The following LINGO1 variants were observed in gnomAD, a reference collection of about 807,000 sequenced individuals.
The protein encoded by LINGO1 is leucine rich repeat and Ig domain containing 1, also known as leucine-rich repeat and immunoglobulin-like domain-containing nogo receptor-interacting protein 1.
A neutral mutation model predicts 37.3 loss-of-function variants in LINGO1; 11 were observed. The ratio of observed to expected loss-of-function variants is 0.29; its 90% CI spans 0.19 to 0.49. The LOEUF is 0.49. LINGO1 is among the 20% of genes least tolerant of loss of function. LINGO1 has a pLI of 0.99. For synonymous variants in LINGO1, 387 were observed against 403.0 expected (o/e 0.96, Z 0.48); for missense variants, 585 against 878.2 (o/e 0.67, Z 4.22).
At position 77,716,280 on chromosome 15, in the gene LINGO1, C is replaced by CTTCT. The variant is rs1555533898; in HGVS notation, c.-195+18711_-195+18712insAGAA. On this transcript the variant is annotated intron_variant, in intron 2 of 3. Coordinates refer to the LINGO1 transcript ENST00000561686. ...GGCTATTTTCTTTCTTCTTCTTCTT[C>CTTCT]TTTTTTTTTTTTTTTTTTGAGACAG... 4.5e-3 allele frequency among the ~76,000 whole-genome samples: 534 copies of CTTCT among 119,242 alleles called. 9 individuals are homozygous for CTTCT. Among genetic ancestry groups the CTTCT allele is most frequent in the Non-Finnish European group, 6.2e-3 (365 of 58,454 alleles). The allele number at this position is 119,242 out of a possible 152,430, so 78.2% of individuals were successfully genotyped here.
chr15:77,767,146 A>T (rs4886524), intron 1 of LINGO1, among the ~76,000 whole-genome samples: 1 of 152,082 alleles, frequency 6.6e-6, no homozygotes, highest in Non-Finnish European at 1.5e-5. Context: ...CAAGACAGAG[A>T]GCACATAGTG....
intron 1 of LINGO1, among the ~76,000 whole-genome samples, chr15:77,737,337 G>C (rs1043860528): frequency 6.6e-6 from 1 of 152,150 alleles, no homozygotes; most frequent in Non-Finnish European, 1.5e-5. Flanking sequence ...GGCTCAGAGA[G>C]GTTATGCTGC....
chr15:77,791,786 G>A (rs1177028435), upstream of LINGO1, among the ~76,000 whole-genome samples: 3 of 152,094 alleles, frequency 2.0e-5, no homozygotes, highest in East Asian at 1.9e-4. Flanking sequence ...GACAGCAGCC[G>A]TGACAAGTGT....
intron 2 of LINGO1, among the ~76,000 whole-genome samples, chr15:77,794,590 ATT>A (rs370121489): frequency 0.029 from 2,679 of 93,470 alleles, 199 homozygotes; most frequent in African/African-American, 0.098. Flanking sequence ...ATATATATAT[ATT>A]TTTTTTTTTT....
At chr15:77,656,517 T>C (rs1275606871) in intron 3 of LINGO1, among the ~76,000 whole-genome samples, 1 of 152,190 alleles carries the variant, frequency 6.6e-6, no homozygotes, top group East Asian at 1.9e-4. Context: ...TGCGCCCATA[T>C]GGTGAGACTC....
chr15:77,802,064 A>C (rs1286049859), intron 1 of LINGO1, among the ~76,000 whole-genome samples: 3 of 152,094 alleles, frequency 2.0e-5, no homozygotes, highest in African/African-American at 7.2e-5. Flanking sequence ...AGGGAGAGAG[A>C]GAGCGAGGAA....
intron 3 of LINGO1, chr15:77,641,648 G>A (rs560566944): frequency 5.6e-6 from 2 of 358,000 alleles, no homozygotes; most frequent in Non-Finnish European, 1.1e-5. Flanking sequence ...ATGAGGAGTG[G>A]GCGTGGTAGG....
chr15:77,616,209 G>A lies in LINGO1; in HGVS notation c.7-309C>T, dbSNP rs371115845. On this transcript the variant is annotated intron_variant, in intron 1 of 1. Coordinates refer to ENST00000355300, the MANE Select transcript of LINGO1 (RefSeq NM_032808.7). ...GCCACCTCCTTTACATTTCACAGGCGGTTGACTCCAAGCACACACCCTGCC... is the reference window on the plus strand; with the variant it reads ...GCCACCTCCTTTACATTTCACAGGCAGTTGACTCCAAGCACACACCCTGCC... 3.3e-5 allele frequency among the ~76,000 whole-genome samples: 5 copies of A among 152,296 alleles called. No homozygotes were observed. In the East Asian group the frequency reaches 7.7e-4, roughly 24 times the overall value.
chr15:77,743,080 G>A (rs2076280595), intron 1 of LINGO1, among the ~76,000 whole-genome samples: 1 of 152,172 alleles, frequency 6.6e-6, no homozygotes, highest in Non-Finnish European at 1.5e-5. Flanking sequence ...GGGAGAGATG[G>A]AGTGACTGAA....
chr15:77,714,534 G>A (rs777413960), intron 2 of LINGO1, among the ~76,000 whole-genome samples: 1 of 151,936 alleles, frequency 6.6e-6, no homozygotes, highest in South Asian at 2.1e-4. Flanking sequence ...CCTCCCACAG[G>A]TGCTCCCTCA....
intron 3 of LINGO1, among the ~76,000 whole-genome samples, chr15:77,645,718 C>G (rs190251530): frequency 1.1e-4 from 17 of 152,366 alleles, no homozygotes; most frequent in African/African-American, 3.6e-4. Context: ...AGAGAGCTGG[C>G]TCCAGACCCG....
In LINGO1 at chr15:77,748,909, C is replaced by CTT. The variant is rs67399483; in HGVS notation, c.-256-13858_-256-13857dup. On this transcript the variant is annotated intron_variant, in intron 1 of 3. Transcript: ENST00000561686. ...TTATTTATTTTCCTTCCTTCCTTCT[C>CTT]TTTTTTTTTTTTTTTTTTTTTGGAG... Among the ~76,000 whole-genome samples the CTT allele has an allele frequency of 5.4e-4, 47 of 87,760 alleles. 1 individual carries two copies. Among genetic ancestry groups the CTT allele is most frequent in the African/African-American group, 1.8e-3 (41 of 23,298 alleles). 57.6% of individuals were successfully genotyped at this position (87,760 alleles called of 152,430 possible).
At chr15:77,786,430 C>T (rs900995268) in intron 1 of LINGO1, among the ~76,000 whole-genome samples, 3 of 152,200 alleles carry the variant, frequency 2.0e-5, no homozygotes, top group Non-Finnish European at 2.9e-5. Flanking sequence ...CCATTCTCCC[C>T]TCCCTGGTGG....
At chr15:77,634,767 C>G (rs948755822), upstream of LINGO1, among the ~76,000 whole-genome samples, 5 of 152,072 alleles carry the variant, frequency 3.3e-5, no homozygotes, top group African/African-American at 7.2e-5. Flanking sequence ...CCAGCCCCCC[C>G]ACCCCGGCTG....
At chr15:77,689,298 G>C (rs2075563361) in intron 2 of LINGO1, among the ~76,000 whole-genome samples, 1 of 151,250 alleles carries the variant, frequency 6.6e-6, no homozygotes, top group Admixed American at 6.6e-5. Flanking sequence ...GGCACCGGGG[G>C]CAGGAAGAGC....
chr15:77,731,016 C>T (rs2076149572), intron 2 of LINGO1, among the ~76,000 whole-genome samples: 1 of 152,232 alleles, frequency 6.6e-6, no homozygotes, highest in East Asian at 1.9e-4. Flanking sequence ...GGGCAAGTCA[C>T]TCTGCCCCTG....
intron 2 of LINGO1, among the ~76,000 whole-genome samples, chr15:77,689,231 C>T (rs190885243): frequency 3.7e-4 from 56 of 152,258 alleles, no homozygotes; most frequent in Non-Finnish European, 6.0e-4. Flanking sequence ...AAAGAAGGGG[C>T]CAAGGTCCCA....
upstream of LINGO1, among the ~76,000 whole-genome samples, chr15:77,698,720 G>A (rs2075728854): frequency 6.6e-6 from 1 of 152,242 alleles, no homozygotes; most frequent in Admixed American, 6.5e-5. Context: ...AGGCTGGAAA[G>A]GGTGAGGGGA....
intron 1 of LINGO1, among the ~76,000 whole-genome samples, chr15:77,743,054 A>G (rs754039601): frequency 6.6e-6 from 1 of 152,196 alleles, no homozygotes; most frequent in Non-Finnish European, 1.5e-5. Context: ...ATTGAGAAGA[A>G]TCTGGTGAGG....
Sources: gnomAD v4.1 joint callset for allele counts (sites outside exome capture counted in the v4.1 genomes callset) on GRCh38, gnomAD v4.1.1 for gene constraint, MANE v1.5 for transcripts, NCBI Gene and HGNC (gene_info 2026-07-23, HGNC 2026-07-21) for gene names.